FBXO11: variants seen among roughly 807,000 people sequenced by gnomAD.
The protein encoded by FBXO11 is F-box protein 11.
Under a neutral mutation model 117.0 loss-of-function variants are expected in FBXO11, and 13 were observed. That is an observed-to-expected ratio of 0.11 (90% CI 0.07 to 0.18). The LOEUF (loss-of-function observed/expected upper bound fraction) is 0.18, where lower values mean the gene tolerates loss of function less well. FBXO11 is among the 10% of genes least tolerant of loss of function. FBXO11 has a pLI of 1.00. For missense variants in FBXO11, 767 were observed against 1,164.4 expected (o/e 0.66, Z 4.97); for synonymous variants, 490 against 380.5 (o/e 1.29, Z -3.35).
chr2:47,832,294 T>G (rs148688854), intron 11 of FBXO11, 55 bp downstream of exon 11: 4 of 1,453,524 alleles, frequency 2.8e-6, no homozygotes, highest in Non-Finnish European at 3.7e-6. Flanking sequence ...TGAAACATAC[T>G]TGGAATTTAA....
At chr2:47,877,924 C>T (rs1676132388) in intron 1 of FBXO11, among the ~76,000 whole-genome samples, 1 of 152,168 alleles carries the variant, frequency 6.6e-6, no homozygotes, top group South Asian at 2.1e-4. Context: ...ACCTCATCAT[C>T]CGCCTGCCTC....
chr2:47,862,912 G>C (rs1222844537), intron 1 of FBXO11, among the ~76,000 whole-genome samples: 1 of 151,852 alleles, frequency 6.6e-6, no homozygotes, highest in Non-Finnish European at 1.5e-5. Context: ...AAAATTAGCT[G>C]GGTGTGGTGG....
intron 1 of FBXO11, among the ~76,000 whole-genome samples, chr2:47,857,295 T>TA (rs1674374777): frequency 6.6e-6 from 1 of 151,954 alleles, no homozygotes; most frequent in African/African-American, 2.4e-5. Context: ...TTTTTTTTTT[T>TA]AAATCAGCAG....
At chr2:47,888,143 TGA>T (rs1241003091) in intron 1 of FBXO11, among the ~76,000 whole-genome samples, 2 of 152,236 alleles carry the variant, frequency 1.3e-5, no homozygotes, top group Non-Finnish European at 2.9e-5. Context: ...ACATTTCTTC[TGA>T]GAGAGTATTC....
chr2:47,832,578 A>T lies in FBXO11; in HGVS notation c.1254T>A (p.His418Gln). 6.2e-7 allele frequency: 1 copy of T among 1,612,298 alleles called. No homozygotes were observed. The highest frequency in any genetic ancestry group is 8.5e-7 in the Non-Finnish European group (1 of 1,179,422). The part of the protein sequence containing the change: ...CENVGLYITD[H>Q]AQGIYEDNEI... ...ACACAAAATTAAAAAATACCTGTGCATGATCTGTTATATATAGTCCAACAT... is the reference window on the plus strand; with the variant it reads ...ACACAAAATTAAAAAATACCTGTGCTTGATCTGTTATATATAGTCCAACAT... The change falls in exon 10 of 23, where the codon CAT becomes CAA. Residue 418 changes from histidine to glutamine, a missense_variant. Coordinates refer to ENST00000403359, the MANE Select transcript of FBXO11 (RefSeq NM_001190274.2).
intron 1 of FBXO11, among the ~76,000 whole-genome samples, chr2:47,874,557 CAG>C (rs890421736): frequency 1.2e-4 from 18 of 152,170 alleles, no homozygotes; most frequent in African/African-American, 4.1e-4. Context: ...AATTTTGAGA[CAG>C]AGTCTTGCTC....
intron 1 of FBXO11, among the ~76,000 whole-genome samples, chr2:47,879,112 C>T (rs564630488): frequency 6.6e-6 from 1 of 152,238 alleles, no homozygotes; most frequent in South Asian, 2.1e-4. Context: ...ATAAATTATG[C>T]AGCCCCAGAA....
intron 13 of FBXO11, 55 bp downstream of exon 13, chr2:47,822,163 A>AT: frequency 1.7e-6 from 2 of 1,160,712 alleles, no homozygotes; most frequent in Non-Finnish European, 2.5e-6. Context: ...CATTTTGCTA[A>AT]TATCAAGAAG....
intron 1 of FBXO11, among the ~76,000 whole-genome samples, chr2:47,881,540 T>C (rs1572897650): frequency 1.3e-5 from 2 of 152,290 alleles, no homozygotes; most frequent in East Asian, 1.9e-4. Flanking sequence ...GCATTATCTT[T>C]AGTGTTTTAG....
intron 1 of FBXO11, among the ~76,000 whole-genome samples, chr2:47,900,245 C>T (rs1678004034): frequency 6.6e-6 from 1 of 152,090 alleles, no homozygotes; most frequent in Non-Finnish European, 1.5e-5. Flanking sequence ...CCCATACTTC[C>T]TGCCTCCAAA....
At chr2:47,903,538 A>G (rs1480222297) in intron 1 of FBXO11, among the ~76,000 whole-genome samples, 1 of 152,240 alleles carries the variant, frequency 6.6e-6, no homozygotes, top group Non-Finnish European at 1.5e-5. Context: ...ATAATTTTGA[A>G]CAAATGAATA....
intron 1 of FBXO11, among the ~76,000 whole-genome samples, chr2:47,853,939 G>A (rs1558444083): frequency 6.6e-6 from 1 of 152,200 alleles, no homozygotes; most frequent in African/African-American, 2.4e-5. Flanking sequence ...TATTTAGAAT[G>A]GTTCTAGAAG....
rs367787816 is a variant in FBXO11 at position 47,900,617 on chromosome 2, T to C, written c.232+4872A>G. On this transcript the variant is annotated intron_variant, in intron 1 of 22. Coordinates refer to ENST00000403359, the MANE Select transcript of FBXO11 (RefSeq NM_001190274.2). ...ATATACACACGTATACACACGTATA[T>C]ACACACGTATACACACACGTACGTA... 1.9e-3 allele frequency among the ~76,000 whole-genome samples: 98 copies of C among 51,688 alleles called. 1 individual carries two copies. The highest frequency in any genetic ancestry group is 6.2e-3 in the African/African-American group (65 of 10,412). 33.9% of individuals were successfully genotyped at this position (51,688 alleles called of 152,430 possible).
chr2:47,841,331 C>T (rs1365011075), intron 1 of FBXO11, among the ~76,000 whole-genome samples: 1 of 152,148 alleles, frequency 6.6e-6, no homozygotes, highest in Non-Finnish European at 1.5e-5. Flanking sequence ...TCTATAGAAA[C>T]ATTCCAGTAA....
At chr2:47,894,632 A>C (rs1458462772) in intron 1 of FBXO11, among the ~76,000 whole-genome samples, 1 of 152,214 alleles carries the variant, frequency 6.6e-6, no homozygotes, top group African/African-American at 2.4e-5. Flanking sequence ...TCAAAGTGAT[A>C]TTAAGTTAGT....
intron 1 of FBXO11, among the ~76,000 whole-genome samples, chr2:47,877,724 G>T (rs553769352): frequency 2.6e-5 from 4 of 152,054 alleles, no homozygotes; most frequent in African/African-American, 9.7e-5. Flanking sequence ...TCGCTTTGTC[G>T]CCCAGGCTGG....
intron 1 of FBXO11, chr2:47,905,280 C>G (rs1324678626): frequency 3.0e-6 from 1 of 332,196 alleles, no homozygotes; most frequent in Non-Finnish European, 5.0e-6. Flanking sequence ...AGCGAGAGCC[C>G]AGGCGAGAAG....
intron 1 of FBXO11, among the ~76,000 whole-genome samples, chr2:47,892,074 T>C (rs1191180132): frequency 6.6e-6 from 1 of 152,252 alleles, no homozygotes; most frequent in Non-Finnish European, 1.5e-5. Context: ...GGATGCCCTT[T>C]CACTTTGTTG....
At chr2:47,860,891 G>A (rs1372819724) in intron 1 of FBXO11, among the ~76,000 whole-genome samples, 2 of 145,630 alleles carry the variant, frequency 1.4e-5, no homozygotes, top group Non-Finnish European at 3.0e-5. Context: ...TCGTTGCCCA[G>A]GCTGGAGTGC....
Sources: gnomAD v4.1 joint callset for allele counts (sites outside exome capture counted in the v4.1 genomes callset) on GRCh38, gnomAD v4.1.1 for gene constraint, MANE v1.5 for transcripts, NCBI Gene and HGNC (gene_info 2026-07-23, HGNC 2026-07-21) for gene names.